The following STK11 variants were observed in gnomAD, a reference collection of about 807,000 sequenced individuals.
STK11 encodes the protein serine/threonine kinase 11, also known as serine/threonine-protein kinase STK11.
A neutral mutation model predicts 47.3 loss-of-function variants in STK11; 8 were observed. The ratio of observed to expected loss-of-function variants is 0.17; its 90% CI spans 0.10 to 0.31. The LOEUF is 0.31. Ranked by LOEUF, STK11 falls within the 10% of genes least tolerant of loss-of-function variation. The probability of loss-of-function intolerance (pLI) is 1.00; values close to 1 mark genes in which losing one functional copy is unlikely to be tolerated. For synonymous variants in STK11, 330 were observed against 255.8 expected (o/e 1.29, Z -2.77); for missense variants, 475 against 605.0 (o/e 0.79, Z 2.25).
In STK11 at chr19:1,227,926, G is replaced by A. The variant is rs1330068966; in HGVS notation, c.*350G>A. The A allele has an allele frequency of 5.6e-6, 6 of 1,070,228 alleles. No individual in the cohort carries two copies. Among genetic ancestry groups the A allele is most frequent in the Non-Finnish European group, 5.7e-6 (5 of 882,356 alleles). 66.3% of individuals were successfully genotyped at this position (1,070,228 alleles called of 1,614,324 possible). On this transcript the variant is annotated 3_prime_UTR_variant, in exon 10 of 10. Coordinates refer to ENST00000326873, the MANE Select transcript of STK11 (RefSeq NM_000455.5). Reference sequence around the variant, plus strand: ...CGTGCTCCGCAGGGCGCCCAGCGCCGTCCGGCGGCCCCGCCGCAGACCAGC... The same window carrying A: ...CGTGCTCCGCAGGGCGCCCAGCGCCATCCGGCGGCCCCGCCGCAGACCAGC...
intron 3 of STK11, 40 bp downstream of exon 3, chr19:1,219,453 G>GGGGGCCA (rs1193853564): frequency 3.3e-6 from 5 of 1,533,208 alleles, no homozygotes; most frequent in South Asian, 1.2e-5. Context: ...GGCGGGGGCC[G>GGGGGCCA]GGGGCCAGGC....
At chr19:1,226,282 C>T (rs1227009429) in intron 8 of STK11, 172 bp from the exon 9 acceptor site, 1 of 1,441,864 alleles carries the variant, frequency 6.9e-7, no homozygotes, top group African/African-American at 1.4e-5. Flanking sequence ...GGGTGCCTCC[C>T]AGAGCTGCTG....
In STK11 at chr19:1,219,160, C is replaced by T. The variant is rs564711111; in HGVS notation, c.375-164C>T. On this transcript the variant is annotated intron_variant, in intron 2 of 9. Coordinates refer to ENST00000326873, the MANE Select transcript of STK11 (RefSeq NM_000455.5). ...CTCCTTCCTCCTGGGACGCTGGGGCCCCTGGGCCTTTTCAGAGGGGTGGCT... is the reference window on the plus strand; with the variant it reads ...CTCCTTCCTCCTGGGACGCTGGGGCTCCTGGGCCTTTTCAGAGGGGTGGCT... 1.9e-3 allele frequency among the ~76,000 whole-genome samples: 290 copies of T among 152,314 alleles called. 3 individuals are homozygous for T. Among genetic ancestry groups the T allele is most frequent in the African/African-American group, 6.4e-3 (267 of 41,576 alleles).
In STK11 at chr19:1,221,801, G is replaced by C. The variant is rs907898383; in HGVS notation, c.863-148G>C. 3.5e-6 allele frequency: 3 copies of C among 858,540 alleles called. No individual in the cohort carries two copies. In the African/African-American group the frequency reaches 5.0e-5, roughly 14 times the overall value. 53.2% of individuals were successfully genotyped at this position (858,540 alleles called of 1,614,324 possible). ...ATGTCCCAGGAGTGGAGTGGCCTCT[G>C]TCAGGGAGACCGCCTGTGCGCGGGG... On this transcript the variant is annotated intron_variant, in intron 6 of 9. Coordinates refer to ENST00000326873, the MANE Select transcript of STK11 (RefSeq NM_000455.5).
chr19:1,213,686 G>C (rs890591217), intron 1 of STK11, among the ~76,000 whole-genome samples: 3 of 152,246 alleles, frequency 2.0e-5, no homozygotes, highest in African/African-American at 7.2e-5. Context: ...CTGGACACTT[G>C]GGCTGCTCCC....
intron 7 of STK11, among the ~76,000 whole-genome samples, chr19:1,222,619 G>A (rs551897659): frequency 5.5e-4 from 83 of 151,690 alleles, no homozygotes; most frequent in African/African-American, 1.8e-3. Context: ...TCATCTGGGC[G>A]CCTGGCGGGG....
rs762124698 is a variant in STK11, at chr19:1,226,480, C to A, written c.1135C>A (p.His379Asn). The change falls in exon 9 of 10, where the codon CAC (histidine) becomes AAC (asparagine). Residue 379 changes from histidine to asparagine, a missense_variant. His to Asn is a moderately conservative substitution (Grantham distance 68). This residue lies in a region of STK11 where 219 missense variants were observed against 189.2 expected (regional missense o/e 1.16). Transcript: ENST00000326873. The part of the protein sequence containing the change: ...PGQVPEEEAS[H>N]NGQRRGLPKA... The stretch of plus-strand genomic sequence containing the variant: ...ACAGGTCCCAGAAGAGGAGGCCAGT[C>A]ACAATGGACAGCGCCGGGGCCTCCC... The A allele has an allele frequency of 6.2e-7, 1 of 1,611,370 alleles. No individual in the cohort carries two copies. The highest frequency in any genetic ancestry group is 2.2e-5 in the East Asian group (1 of 44,854).
At position 1,227,817 on chromosome 19, in the gene STK11, G is replaced by T. The variant is rs1162288597; in HGVS notation, c.*241G>T. On this transcript the variant is annotated 3_prime_UTR_variant, in exon 10 of 10. Coordinates refer to ENST00000326873, the MANE Select transcript of STK11 (RefSeq NM_000455.5). Reference sequence around the variant, plus strand: ...CGGCTTGTTGACTTCGCAGCCCCGGGCGGAGCCTTCCCGGGCGGGCGTGGG... The same window carrying T: ...CGGCTTGTTGACTTCGCAGCCCCGGTCGGAGCCTTCCCGGGCGGGCGTGGG... The T allele has an allele frequency of 2.8e-6, 3 of 1,072,184 alleles. No individual in the cohort carries two copies. Among genetic ancestry groups the T allele is most frequent in the Non-Finnish European group, 2.3e-6 (2 of 883,598 alleles). The allele number at this position is 1,072,184 out of a possible 1,614,324, so 66.4% of individuals were successfully genotyped here.
intron 1 of STK11, among the ~76,000 whole-genome samples, chr19:1,210,138 T>C (rs2080699515): frequency 6.6e-6 from 1 of 152,098 alleles, no homozygotes. Context: ...TCCAGCCCCC[T>C]GGGTGCTGCC....
rs774464182 is a variant in STK11, at chr19:1,221,276, C to T, written c.798C>T (p.Asn266=). Residue 266 remains asparagine (N), a synonymous_variant, in exon 6 of 10, where the codon AAC becomes AAT. Coordinates refer to ENST00000326873, the MANE Select transcript of STK11 (RefSeq NM_000455.5). The part of the protein sequence containing the change: ...EGDNIYKLFE[N]IGKGSYAIPG... ...ACAACATCTACAAGTTGTTTGAGAA[C>T]ATCGGGAAGGGGAGCTACGCCATCC... 1.9e-6 allele frequency: 3 copies of T among 1,612,046 alleles called. No individual in the cohort carries two copies. Among genetic ancestry groups the T allele is most frequent in the Non-Finnish European group, 2.5e-6 (3 of 1,179,424 alleles).
At chr19:1,209,583 AAAATAAATAAATAAATAAATAAAT>A (rs35010183) in intron 1 of STK11, among the ~76,000 whole-genome samples, 1 of 147,180 alleles carries the variant, frequency 6.8e-6, no homozygotes. Context: ...CTCTGTCTCA[AAAATAAATAAATAAATAAATAAAT>A]AAATAAATAA....
rs1239853505 is a variant in STK11, at chr19:1,227,814, C to T, written c.*238C>T. ...ACGCGGCTTGTTGACTTCGCAGCCC[C>T]GGGCGGAGCCTTCCCGGGCGGGCGT... On this transcript the variant is annotated 3_prime_UTR_variant, in exon 10 of 10. Coordinates refer to ENST00000326873, the MANE Select transcript of STK11 (RefSeq NM_000455.5). 6 of 1,072,120 alleles carry T rather than the reference C, an allele frequency of 5.6e-6. No homozygotes were observed. Among genetic ancestry groups the T allele is most frequent in the Admixed American group, 5.3e-5 (1 of 18,772 alleles). The allele number at this position is 1,072,120 out of a possible 1,614,324, so 66.4% of individuals were successfully genotyped here.
chr19:1,221,136 C>T (rs2080780657), intron 5 of STK11, 77 bp from the exon 6 acceptor site: 1 of 1,586,854 alleles, frequency 6.3e-7, no homozygotes, highest in African/African-American at 1.3e-5. Flanking sequence ...GCCTCTGTCC[C>T]TGGGGTAGAG....
intron 8 of STK11, chr19:1,226,170 T>A: frequency 7.8e-7 from 1 of 1,282,138 alleles, no homozygotes; most frequent in Non-Finnish European, 9.9e-7. Flanking sequence ...GTTCCTGCAG[T>A]CAGTACCTGG....
At chr19:1,226,736 C>A in intron 9 of STK11, 73 bp downstream of exon 9, 1 of 1,416,184 alleles carries the variant, frequency 7.1e-7, no homozygotes, top group Non-Finnish European at 9.2e-7. Flanking sequence ...GTGAGCATAG[C>A]CCGCGCTAGT....
At chr19:1,221,752 A>G (rs531990913) in intron 6 of STK11, 197 bp from the exon 7 acceptor site, 1 of 641,664 alleles carries the variant, frequency 1.6e-6, no homozygotes, top group South Asian at 1.9e-5. Flanking sequence ...TCTCCCTGCC[A>G]GCCGCGCACA....
Position 1,228,227 on chromosome 19 carries a change from C to T in STK11, c.*651C>T. On this transcript the variant is annotated 3_prime_UTR_variant, in exon 10 of 10. Coordinates refer to ENST00000326873, the MANE Select transcript of STK11 (RefSeq NM_000455.5). Reference sequence around the variant, plus strand: ...GCCCGGCCGGAGGGCAGGACCCTCACCTCTCCCCCAAGGCCACTGCGCTCT... The same window carrying T: ...GCCCGGCCGGAGGGCAGGACCCTCATCTCTCCCCCAAGGCCACTGCGCTCT... 1.3e-6 allele frequency: 1 copy of T among 776,286 alleles called. No individual in the cohort carries two copies. The highest frequency in any genetic ancestry group is 1.6e-6 in the Non-Finnish European group (1 of 615,740). The allele number at this position is 776,286 out of a possible 1,614,324, so 48.1% of individuals were successfully genotyped here.
At position 1,226,739 on chromosome 19, in the gene STK11, G is replaced by C; in HGVS notation, c.*16+76G>C. ...CCACAGCCAGCCGTGAGCATAGCCCGCGCTAGTCAGTCATGGTGACCGTCA... is the reference window on the plus strand; with the variant it reads ...CCACAGCCAGCCGTGAGCATAGCCCCCGCTAGTCAGTCATGGTGACCGTCA... On this transcript the variant is annotated intron_variant, in intron 9 of 9. Transcript: ENST00000326873. The C allele has an allele frequency of 5.0e-6, 7 of 1,410,056 alleles. No individual in the cohort carries two copies. The South Asian group carries it at 1.1e-4, about 21-fold the overall frequency. The allele number at this position is 1,410,056 out of a possible 1,614,324, so 87.3% of individuals were successfully genotyped here. A position where few individuals can be genotyped will look rare whatever the true frequency, so the allele number is the denominator to read the frequency against.
rs527798473 is a variant in STK11 at position 1,211,412 on chromosome 19, C to T, written c.290+4209C>T. Among the ~76,000 whole-genome samples the T allele has an allele frequency of 3.3e-5, 5 of 151,720 alleles. No individual in the cohort carries two copies. The East Asian group carries it at 7.9e-4, about 24-fold the overall frequency. ...GCCCAGCCCGACTCCCCGTGCTTCT[C>T]GGGGGACAGCACGGCTAGCTGCTGC... On this transcript the variant is annotated intron_variant, in intron 1 of 9. Coordinates refer to ENST00000326873, the MANE Select transcript of STK11 (RefSeq NM_000455.5).
Sources: allele counts gnomAD v4.1 joint callset (sites outside exome capture counted in the v4.1 genomes callset), GRCh38; gene constraint gnomAD v4.1.1; regional missense constraint gnomAD v4.1.1; transcripts MANE v1.5; gene names NCBI Gene and HGNC (gene_info 2026-07-23, HGNC 2026-07-21).